Variants in C12orf42 observed in about 807,000 individuals in gnomAD.
C12orf42 encodes uncharacterized protein C12orf42.
A neutral mutation model predicts 21.6 loss-of-function variants in C12orf42; 25 were observed. The observed-to-expected ratio is 1.16, with a 90% CI of 0.84 to 1.62. The LOEUF (loss-of-function observed/expected upper bound fraction) is 1.62. C12orf42 is among the 40% of genes most tolerant of loss of function. The pLI is 0.00. For synonymous variants in C12orf42, 174 were observed against 175.0 expected, an observed-to-expected ratio of 0.99 and a Z score of 0.05; for missense variants, 483 against 459.3, an observed-to-expected ratio of 1.05 and a Z score of -0.47.
At chr12:103,306,695 G>T (rs1326492997) in intron 4 of C12orf42, among the ~76,000 whole-genome samples, 3 of 152,102 alleles carry the variant, frequency 2.0e-5, no homozygotes, top group African/African-American at 7.2e-5. Context: ...CTTATGGGTT[G>T]AATTGTGTTC....
At chr12:103,206,877 A>G in the C12orf42 span, among the ~76,000 whole-genome samples, 9 of 152,284 alleles carry the variant, frequency 5.9e-5, no homozygotes, top group South Asian at 1.9e-3. Flanking sequence ...CTTCCCGGCT[A>G]GAACTGCTGC....
the C12orf42 span, among the ~76,000 whole-genome samples, chr12:103,227,882 T>C: frequency 2.0e-5 from 3 of 151,976 alleles, no homozygotes; most frequent in East Asian, 3.9e-4. Context: ...AAGGGAGAGA[T>C]TGAAGAGTGG....
chr12:103,325,248 G>A (rs960523291), intron 4 of C12orf42, among the ~76,000 whole-genome samples: 1 of 152,198 alleles, frequency 6.6e-6, no homozygotes, highest in Admixed American at 6.5e-5. Flanking sequence ...GCAGAGAGAA[G>A]GACTCTCTTT....
chr12:103,288,126 G>T (rs774344060), intron 4 of C12orf42, among the ~76,000 whole-genome samples: 2 of 152,184 alleles, frequency 1.3e-5, no homozygotes, highest in Non-Finnish European at 2.9e-5. Context: ...TCGGGGAACT[G>T]ATGAGATATT....
At chr12:103,485,646 G>A (rs1458182536) in intron 1 of C12orf42, among the ~76,000 whole-genome samples, 1 of 151,986 alleles carries the variant, frequency 6.6e-6, no homozygotes, top group African/African-American at 2.4e-5. Flanking sequence ...CTTTTATTTT[G>A]TTGAGCAGTG....
the C12orf42 span, among the ~76,000 whole-genome samples, chr12:103,216,254 G>A: frequency 1.6e-4 from 25 of 152,224 alleles, no homozygotes; most frequent in Admixed American, 7.8e-4. Context: ...GTATGGATTC[G>A]CTTCTTTGCA....
chr12:103,479,056 A>G (rs1406921180), intron 1 of C12orf42, among the ~76,000 whole-genome samples: 1 of 152,136 alleles, frequency 6.6e-6, no homozygotes, highest in African/African-American at 2.4e-5. Flanking sequence ...TAGGTCCTCA[A>G]GAAGCAAATA....
At chr12:103,277,254 T>A (rs150137341) in intron 4 of C12orf42, 1 of 395,272 alleles carries the variant, frequency 2.5e-6, no homozygotes, top group Non-Finnish European at 4.9e-6. Flanking sequence ...AAAGAATAAC[T>A]GTATATTAAT....
chr12:103,247,207 G>C (rs1403538204), intron 10 of C12orf42, among the ~76,000 whole-genome samples: 1 of 150,722 alleles, frequency 6.6e-6, no homozygotes, highest in African/African-American at 2.4e-5. Flanking sequence ...AATATTTTGA[G>C]TTAATATTTA....
chr12:103,176,764 C>A, the C12orf42 span, among the ~76,000 whole-genome samples: 1 of 152,156 alleles, frequency 6.6e-6, no homozygotes, highest in Non-Finnish European at 1.5e-5. Context: ...AAAACAAAGT[C>A]CAATCTGGCA....
the C12orf42 span, among the ~76,000 whole-genome samples, chr12:103,059,908 T>C: frequency 7.8e-3 from 1,190 of 152,310 alleles, 17 homozygotes; most frequent in African/African-American, 0.027. Flanking sequence ...GCATGCCCTT[T>C]GAAAACCGGC....
At chr12:103,147,521 G>A in the C12orf42 span, among the ~76,000 whole-genome samples, 113 of 47,526 alleles carry the variant, frequency 2.4e-3, no homozygotes, top group African/African-American at 8.1e-3. Context: ...TTTTTTTTTT[G>A]GTTCTTTCTG....
chr12:103,509,250 G>C, the C12orf42 span, among the ~76,000 whole-genome samples: 1 of 152,070 alleles, frequency 6.6e-6, no homozygotes, highest in Non-Finnish European at 1.5e-5. Flanking sequence ...CTTCAATGAT[G>C]CAATATTTGT....
chr12:103,055,099 A>G, the C12orf42 span, among the ~76,000 whole-genome samples: 1 of 151,954 alleles, frequency 6.6e-6, no homozygotes, highest in Admixed American at 6.6e-5. Flanking sequence ...TTAGAAAAGC[A>G]TTCCTTTCTC....
At chr12:103,533,497 T>C in the C12orf42 span, among the ~76,000 whole-genome samples, 1 of 152,202 alleles carries the variant, frequency 6.6e-6, no homozygotes, top group African/African-American at 2.4e-5. Flanking sequence ...CCCGGGTCTA[T>C]GTAAACAGTA....
the C12orf42 span, among the ~76,000 whole-genome samples, chr12:103,516,438 A>G: frequency 6.6e-6 from 1 of 152,356 alleles, no homozygotes; most frequent in African/African-American, 2.4e-5. Context: ...ACACTGCTAT[A>G]AAGAAATGCC....
chr12:103,069,561 A>G, the C12orf42 span, among the ~76,000 whole-genome samples: 1 of 152,188 alleles, frequency 6.6e-6, no homozygotes, highest in Non-Finnish European at 1.5e-5. Context: ...TGAAAGCAAA[A>G]GAGCAAAATG....
At chr12:103,556,251 C>T in the C12orf42 span, among the ~76,000 whole-genome samples, 1 of 152,166 alleles carries the variant, frequency 6.6e-6, no homozygotes, top group African/African-American at 2.4e-5. Flanking sequence ...ATATTCATAC[C>T]TTCCTTGATT....
intron 4 of C12orf42, among the ~76,000 whole-genome samples, chr12:103,309,291 A>C (rs567597384): frequency 1.3e-5 from 2 of 152,232 alleles, no homozygotes; most frequent in African/African-American, 4.8e-5. Flanking sequence ...TCCTCAGCCT[A>C]CTCAAAGTGC....
Sources: gnomAD v4.1 joint callset for allele counts (sites outside exome capture counted in the v4.1 genomes callset) on GRCh38, gnomAD v4.1.1 for gene constraint, MANE v1.5 for transcripts, NCBI Gene and HGNC (gene_info 2026-07-23, HGNC 2026-07-21) for gene names.